The following SNTG2 variants were observed in gnomAD, a reference collection of about 807,000 sequenced individuals.
SNTG2 encodes the protein syntrophin gamma 2, also known as gamma-2-syntrophin.
SNTG2 carries 74 observed loss-of-function variants against 70.9 expected under a neutral mutation model. The observed-to-expected ratio is 1.04, with a 90% CI of 0.86 to 1.27. The LOEUF (loss-of-function observed/expected upper bound fraction) is 1.27, where lower values mean the gene tolerates loss of function less well. Ranked by LOEUF, SNTG2 falls within the 50% of genes most tolerant of loss-of-function variation. The pLI, the probability that SNTG2 is intolerant of heterozygous loss-of-function variation, is 0.00. For missense variants in SNTG2, 717 were observed against 690.7 expected, an observed-to-expected ratio of 1.04 and a Z score of -0.43; for synonymous variants, 278 against 273.8, an observed-to-expected ratio of 1.02 and a Z score of -0.15.
chr2:1,233,251 G>T (rs1050851514), intron 9 of SNTG2, among the ~76,000 whole-genome samples: 3 of 152,354 alleles, frequency 2.0e-5, no homozygotes, highest in African/African-American at 7.2e-5. Flanking sequence ...CACAAGGGAA[G>T]CAGAAGGTTG....
chr2:1,155,772 T>A (rs1425647606), intron 6 of SNTG2, among the ~76,000 whole-genome samples: 1 of 151,864 alleles, frequency 6.6e-6, no homozygotes, highest in Admixed American at 6.6e-5. Context: ...GGTGCCAGCT[T>A]TTGAGGTGGG....
chr2:1,233,384 G>A (rs1382437766), intron 9 of SNTG2, among the ~76,000 whole-genome samples: 1 of 152,214 alleles, frequency 6.6e-6, no homozygotes, highest in African/African-American at 2.4e-5. Flanking sequence ...CAAATCTGTT[G>A]AGGTGTGTTT....
At chr2:1,340,053 C>T (rs1315211167) in intron 16 of SNTG2, among the ~76,000 whole-genome samples, 2 of 152,214 alleles carry the variant, frequency 1.3e-5, no homozygotes, top group African/African-American at 4.8e-5. Flanking sequence ...GAAGAGGCAC[C>T]GAGGCACTCG....
Position 1,328,278 on chromosome 2 carries a change from T to C in SNTG2, c.1488+11903T>C, listed in dbSNP as rs143084316. 4.2e-3 allele frequency among the ~76,000 whole-genome samples: 632 copies of C among 152,234 alleles called. 5 individuals carry two copies. The highest frequency in any genetic ancestry group is 0.015 in the African/African-American group (603 of 41,528). On this transcript the variant is annotated intron_variant, in intron 16 of 16. Coordinates refer to ENST00000308624, the MANE Select transcript of SNTG2 (RefSeq NM_018968.4). ...ACCATGTCAGGTACCATGTAGGTAATATACAAACATGTGGATAGACACGTA... is the reference window on the plus strand; with the variant it reads ...ACCATGTCAGGTACCATGTAGGTAACATACAAACATGTGGATAGACACGTA...
intron 8 of SNTG2, among the ~76,000 whole-genome samples, chr2:1,175,239 A>T (rs28369664): frequency 0.34 from 51,405 of 152,020 alleles, 9,161 homozygotes; most frequent in East Asian, 0.65. Flanking sequence ...ACGGCTCACA[A>T]GTAACCAGCA....
At chr2:1,065,599 AAGG>A (rs1366082468) in intron 1 of SNTG2, among the ~76,000 whole-genome samples, 7 of 152,212 alleles carry the variant, frequency 4.6e-5, no homozygotes, top group African/African-American at 7.2e-5. Flanking sequence ...ATTATTTTCA[AAGG>A]AGGCATTTTT....
chr2:1,241,505 G>A (rs1233985549), intron 11 of SNTG2, among the ~76,000 whole-genome samples: 1 of 151,930 alleles, frequency 6.6e-6, no homozygotes, highest in Non-Finnish European at 1.5e-5. Context: ...AAGTTTCAGG[G>A]TACATGTGCA....
At chr2:1,317,011 C>T (rs761488870) in intron 16 of SNTG2, among the ~76,000 whole-genome samples, 115 of 79,940 alleles carry the variant, frequency 1.4e-3, no homozygotes, top group Middle Eastern at 9.8e-3. Flanking sequence ...TAGCATATGG[C>T]CAGCATTGGA....
chr2:1,349,541 T>G (rs1275595162), intron 16 of SNTG2, among the ~76,000 whole-genome samples: 1 of 152,246 alleles, frequency 6.6e-6, no homozygotes, highest in Non-Finnish European at 1.5e-5. Context: ...TTATCATCCT[T>G]GCTTTAAGGT....
At chr2:1,275,286 C>G (rs1026637706) in intron 14 of SNTG2, among the ~76,000 whole-genome samples, 1 of 152,216 alleles carries the variant, frequency 6.6e-6, no homozygotes, top group Non-Finnish European at 1.5e-5. Flanking sequence ...TTGTTAAGCT[C>G]TGAAGATACT....
intron 14 of SNTG2, among the ~76,000 whole-genome samples, chr2:1,292,025 G>C (rs951028320): frequency 6.6e-6 from 1 of 152,084 alleles, no homozygotes; most frequent in African/African-American, 2.4e-5. Flanking sequence ...ATGTTTTGTA[G>C]TTTTCAATGT....
chr2:1,070,342 C>T (rs967993299), intron 1 of SNTG2, among the ~76,000 whole-genome samples: 3 of 152,114 alleles, frequency 2.0e-5, no homozygotes, highest in Non-Finnish European at 2.9e-5. Context: ...GATGCCATCA[C>T]GTCACCCAAG....
chr2:1,304,216 G>A (rs1006560917), intron 14 of SNTG2, among the ~76,000 whole-genome samples: 4 of 152,162 alleles, frequency 2.6e-5, no homozygotes, highest in Admixed American at 6.5e-5. Flanking sequence ...GGTGACCTAC[G>A]CGTGGCAGAT....
intron 12 of SNTG2, 62 bp from the exon 13 acceptor site, chr2:1,259,308 T>A (rs1292077342): frequency 1.3e-6 from 2 of 1,513,290 alleles, no homozygotes; most frequent in African/African-American, 1.4e-5. Context: ...ATTGTAAATT[T>A]TTAAATTTTT....
At chr2:1,349,017 T>C (rs953183718) in intron 16 of SNTG2, among the ~76,000 whole-genome samples, 2 of 152,248 alleles carry the variant, frequency 1.3e-5, no homozygotes, top group African/African-American at 4.8e-5. Flanking sequence ...GCAAGGCAAC[T>C]GAGCAGGAGG....
At chr2:1,241,319 T>C (rs1677031301) in intron 11 of SNTG2, among the ~76,000 whole-genome samples, 1 of 152,210 alleles carries the variant, frequency 6.6e-6, no homozygotes, top group Non-Finnish European at 1.5e-5. Context: ...TAAACAGTGA[T>C]GTCCGCAAGT....
intron 14 of SNTG2, among the ~76,000 whole-genome samples, chr2:1,291,579 C>T (rs1679995367): frequency 6.6e-6 from 1 of 152,106 alleles, no homozygotes; most frequent in South Asian, 2.1e-4. Flanking sequence ...TCCAGTTTTC[C>T]CAGCACCATT....
chr2:1,114,964 G>A (rs945861930), intron 4 of SNTG2, among the ~76,000 whole-genome samples: 3 of 152,046 alleles, frequency 2.0e-5, no homozygotes, highest in African/African-American at 4.8e-5. Context: ...CCTTTGAGAA[G>A]GATCGTGTGT....
intron 12 of SNTG2, among the ~76,000 whole-genome samples, chr2:1,251,735 C>A (rs146288689): frequency 3.1e-3 from 458 of 149,378 alleles, no homozygotes; most frequent in Middle Eastern, 7.2e-3. Flanking sequence ...CACACACCCC[C>A]CACAGGCACA....
Sources: allele counts gnomAD v4.1 joint callset (sites outside exome capture counted in the v4.1 genomes callset), GRCh38; gene constraint gnomAD v4.1.1; transcripts MANE v1.5; gene names NCBI Gene and HGNC (gene_info 2026-07-23, HGNC 2026-07-21).